Variants in PTPRJ observed in about 807,000 individuals in gnomAD.
PTPRJ encodes receptor-type tyrosine-protein phosphatase eta.
PTPRJ carries 129 observed loss-of-function variants against 141.3 expected under a neutral mutation model. The observed-to-expected ratio is 0.91, with a 90% CI of 0.79 to 1.06. The LOEUF is 1.06. PTPRJ is among the 50% of genes least tolerant of loss of function. The pLI is 0.00. For missense variants in PTPRJ, 1,601 were observed against 1,679.7 expected (o/e 0.95, Z 0.82); for synonymous variants, 610 against 640.5 (o/e 0.95, Z 0.72).
chr11:48,071,918 T>C (rs1471483420), intron 1 of PTPRJ, among the ~76,000 whole-genome samples: 1 of 141,284 alleles, frequency 7.1e-6, no homozygotes, highest in Non-Finnish European at 1.5e-5. Context: ...TTTTTTTTTT[T>C]TTTTTGAGAC....
chr11:48,155,977 AT>A lies in PTPRJ; in HGVS notation c.3304-3del. ...TGAGGTTGACTATGTGCTGTTTCCC[AT>A]TTTTAGGGCTACCACTCCAAGAAAG... On this transcript the variant is annotated splice_polypyrimidine_tract_variant and splice_region_variant and intron_variant, in intron 20 of 24. Coordinates refer to ENST00000418331, the MANE Select transcript of PTPRJ (RefSeq NM_002843.4). The A allele has an allele frequency of 6.2e-7, 1 of 1,609,346 alleles. No individual in the cohort carries two copies. Among genetic ancestry groups the A allele is most frequent in the Non-Finnish European group, 8.5e-7 (1 of 1,176,192 alleles).
intron 1 of PTPRJ, among the ~76,000 whole-genome samples, chr11:48,059,221 C>A (rs1212376716): frequency 2.0e-5 from 3 of 146,958 alleles, no homozygotes; most frequent in African/African-American, 5.0e-5. Flanking sequence ...CTCCCGGGTT[C>A]AAGCAATTCT....
intron 21 of PTPRJ, among the ~76,000 whole-genome samples, chr11:48,159,539 A>G (rs887292255): frequency 2.6e-5 from 4 of 152,220 alleles, no homozygotes; most frequent in Admixed American, 1.3e-4. Flanking sequence ...TAAAGAGAAA[A>G]TAAGTCTGGA....
chr11:48,035,378 A>G (rs556100879), intron 1 of PTPRJ, among the ~76,000 whole-genome samples: 1 of 152,266 alleles, frequency 6.6e-6, no homozygotes, highest in East Asian at 1.9e-4. Context: ...GTATACATAC[A>G]CGGTAATGTG....
chr11:48,119,315 G>T (rs61915913), intron 3 of PTPRJ, among the ~76,000 whole-genome samples: 4,652 of 152,294 alleles, frequency 0.031, 108 homozygotes, highest in Non-Finnish European at 0.046. Flanking sequence ...GGGCCTTCTG[G>T]CATGACGTTT....
chr11:48,053,512 ACT>A (rs1490674737), intron 1 of PTPRJ, among the ~76,000 whole-genome samples: 1 of 122,484 alleles, frequency 8.2e-6, no homozygotes. Flanking sequence ...CTTCACGGAA[ACT>A]CTGAAGGAGA....
At chr11:48,166,728 C>G (rs1200025673) in intron 24 of PTPRJ, among the ~76,000 whole-genome samples, 3 of 152,110 alleles carry the variant, frequency 2.0e-5, no homozygotes, top group Admixed American at 2.0e-4. Context: ...TCATCACTAT[C>G]CACAGATTCT....
rs188245258 is a variant in PTPRJ, at chr11:48,085,091, G to A, written c.97-24967G>A. The stretch of plus-strand genomic sequence containing the variant: ...AAAAATATCCACAACTACTGAAAAG[G>A]CTGAGAAAATACTCCCTTTCTCAAC... On this transcript the variant is annotated intron_variant, in intron 1 of 24. Coordinates refer to ENST00000418331, the MANE Select transcript of PTPRJ (RefSeq NM_002843.4). Among the ~76,000 whole-genome samples, 4 of 152,242 alleles carry A rather than the reference G, an allele frequency of 2.6e-5. No homozygotes were observed. The South Asian group carries it at 6.2e-4, about 24-fold the overall frequency.
At chr11:48,147,767 G>A (rs1395080705) in intron 15 of PTPRJ, among the ~76,000 whole-genome samples, 1 of 152,158 alleles carries the variant, frequency 6.6e-6, no homozygotes, top group Non-Finnish European at 1.5e-5. Flanking sequence ...GTCCTCATGC[G>A]GCCCAGGCCG....
At chr11:48,157,204 G>A (rs2134382687) in intron 21 of PTPRJ, among the ~76,000 whole-genome samples, 1 of 152,122 alleles carries the variant, frequency 6.6e-6, no homozygotes, top group East Asian at 1.9e-4. Flanking sequence ...GGCCAGGATG[G>A]TCTCAATCTC....
At chr11:48,051,744 G>C (rs1215562794) in intron 1 of PTPRJ, among the ~76,000 whole-genome samples, 1 of 152,178 alleles carries the variant, frequency 6.6e-6, no homozygotes, top group Non-Finnish European at 1.5e-5. Context: ...TTGGGGCTCA[G>C]CTCCCTCATC....
chr11:48,032,619 C>T (rs201270716), intron 1 of PTPRJ, among the ~76,000 whole-genome samples: 8 of 152,224 alleles, frequency 5.3e-5, no homozygotes, highest in East Asian at 1.9e-4. Flanking sequence ...ATTAGTCGGG[C>T]GTGGTGGCAC....
intron 1 of PTPRJ, among the ~76,000 whole-genome samples, chr11:48,033,828 A>G (rs1244734568): frequency 1.3e-5 from 2 of 152,204 alleles, no homozygotes; most frequent in African/African-American, 2.4e-5. Context: ...CAAGGCGGGA[A>G]CTAGGAAGAC....
intron 18 of PTPRJ, 130 bp downstream of exon 18, chr11:48,150,313 CT>C (rs1857450213): frequency 5.8e-6 from 4 of 690,138 alleles, no homozygotes; most frequent in Non-Finnish European, 7.5e-6. Flanking sequence ...TGGGACATGG[CT>C]TTATTCTCTC....
chr11:48,147,342 A>G (rs369234784), intron 15 of PTPRJ, among the ~76,000 whole-genome samples: 1 of 152,342 alleles, frequency 6.6e-6, no homozygotes, highest in African/African-American at 2.4e-5. Context: ...GTCCTCATCT[A>G]TGATAGGAGG....
intron 7 of PTPRJ, among the ~76,000 whole-genome samples, chr11:48,129,221 G>A (rs891480646): frequency 1.3e-5 from 2 of 152,166 alleles, no homozygotes; most frequent in Non-Finnish European, 2.9e-5. Context: ...AGTTTGCTAG[G>A]GCTACCAGAA....
intron 1 of PTPRJ, among the ~76,000 whole-genome samples, chr11:48,090,751 C>T (rs1342438130): frequency 6.6e-6 from 1 of 152,152 alleles, no homozygotes; most frequent in Admixed American, 6.5e-5. Flanking sequence ...CTGAGAAGAG[C>T]ATGGGCCACT....
intron 1 of PTPRJ, among the ~76,000 whole-genome samples, chr11:48,069,914 G>A (rs1411594048): frequency 6.6e-6 from 1 of 152,178 alleles, no homozygotes; most frequent in Non-Finnish European, 1.5e-5. Context: ...CTCATTTGTA[G>A]TTGGTTCTCC....
intron 21 of PTPRJ, among the ~76,000 whole-genome samples, chr11:48,157,940 G>T (rs1857652900): frequency 6.6e-6 from 1 of 152,218 alleles, no homozygotes; most frequent in Non-Finnish European, 1.5e-5. Context: ...ACCACCTGAG[G>T]TCAGGAGTTT....
Sources: allele counts gnomAD v4.1 joint callset (sites outside exome capture counted in the v4.1 genomes callset), GRCh38; gene constraint gnomAD v4.1.1; transcripts MANE v1.5; gene names NCBI Gene and HGNC (gene_info 2026-07-23, HGNC 2026-07-21).